ZRANB3: variants seen among roughly 807,000 people sequenced by gnomAD.
ZRANB3 encodes the protein zinc finger RANBP2-type containing 3.
ZRANB3 carries 125 observed loss-of-function variants against 133.8 expected under a neutral mutation model. That is an observed-to-expected ratio of 0.93 (90% CI 0.81 to 1.08). ZRANB3 has a LOEUF of 1.08. ZRANB3 is among the 50% of genes least tolerant of loss of function. The pLI, the probability that ZRANB3 is intolerant of heterozygous loss-of-function variation, is 0.00. For synonymous variants in ZRANB3, 387 were observed against 432.7 expected, an observed-to-expected ratio of 0.89 and a Z score of 1.31; for missense variants, 1,229 against 1,275.5, an observed-to-expected ratio of 0.96 and a Z score of 0.56.
intron 2 of ZRANB3, among the ~76,000 whole-genome samples, chr2:135,469,494 T>G (rs930944536): frequency 1.3e-5 from 2 of 152,186 alleles, no homozygotes; most frequent in African/African-American, 4.8e-5. Flanking sequence ...TTTAAATTCA[T>G]TTTTTAAATC....
intron 1 of ZRANB3, among the ~76,000 whole-genome samples, chr2:135,515,432 T>C (rs1693658312): frequency 6.6e-6 from 1 of 152,168 alleles, no homozygotes. Flanking sequence ...GTGCTACAAA[T>C]TTCCCTCTAC....
At chr2:135,403,782 T>A (rs1033621087) in intron 2 of ZRANB3, among the ~76,000 whole-genome samples, 1 of 152,108 alleles carries the variant, frequency 6.6e-6, no homozygotes, top group Non-Finnish European at 1.5e-5. Context: ...GGCAGCAACA[T>A]TTGCTGTTCA....
chr2:135,385,811 T>A (rs918577553), intron 3 of ZRANB3, among the ~76,000 whole-genome samples: 1 of 152,188 alleles, frequency 6.6e-6, no homozygotes, highest in African/African-American at 2.4e-5. Flanking sequence ...ACTGGATCCC[T>A]GCTTTACACC....
chr2:135,215,063 G>A (rs571450516), intron 17 of ZRANB3, among the ~76,000 whole-genome samples: 5 of 151,308 alleles, frequency 3.3e-5, no homozygotes, highest in South Asian at 2.1e-4. Context: ...GCCTGTGGGC[G>A]TGAGCCACCA....
Position 135,390,824 on chromosome 2 carries a change from GAAAAA to G in ZRANB3, c.162-9_162-5del. 46 of 1,298,530 alleles carry G rather than the reference GAAAAA, an allele frequency of 3.5e-5. No homozygotes were observed. The highest frequency in any genetic ancestry group is 2.3e-4 in the East Asian group (8 of 34,566). The allele number at this position is 1,298,530 out of a possible 1,614,324, so 80.4% of individuals were successfully genotyped here. On this transcript the variant is annotated splice_region_variant and splice_polypyrimidine_tract_variant and intron_variant, in intron 2 of 20. Transcript: ENST00000264159. ...TACTTCATCAGCCACCATACACCTG[GAAAAA>G]AAAAAAAAAAAAAATTAATTATCAG... is the stretch of plus-strand genomic sequence containing the variant.
intron 4 of ZRANB3, among the ~76,000 whole-genome samples, chr2:135,351,409 A>G (rs1195722877): frequency 6.6e-6 from 1 of 151,838 alleles, no homozygotes; most frequent in Non-Finnish European, 1.5e-5. Context: ...CTGGGACTAC[A>G]GGTGCCCATC....
chr2:135,264,528 T>C (rs925216345), intron 12 of ZRANB3, among the ~76,000 whole-genome samples: 3 of 150,398 alleles, frequency 2.0e-5, no homozygotes, highest in Non-Finnish European at 4.4e-5. Flanking sequence ...AGGTGATTCA[T>C]GCAAATATCA....
chr2:135,522,869 C>G (rs1021371559), intron 1 of ZRANB3, among the ~76,000 whole-genome samples: 1 of 152,150 alleles, frequency 6.6e-6, no homozygotes, highest in Non-Finnish European at 1.5e-5. Flanking sequence ...GAATTGGAAG[C>G]AATTTTTAAA....
At position 135,473,935 on chromosome 2, in the gene ZRANB3, A is replaced by G. The variant is rs543795081; in HGVS notation, c.161+30394T>C. 9.8e-5 allele frequency among the ~76,000 whole-genome samples: 15 copies of G among 152,312 alleles called. No individual in the cohort carries two copies. The East Asian group carries it at 2.9e-3, about 29-fold the overall frequency. ...CACAGAGGCTCATGCTTGTAATTCC[A>G]GCACTTTGGGAGGCTGAAGCAGGCA... On this transcript the variant is annotated intron_variant, in intron 2 of 20. Coordinates refer to ENST00000264159, the MANE Select transcript of ZRANB3 (RefSeq NM_032143.4).
At chr2:135,417,769 T>C (rs1224525428) in intron 2 of ZRANB3, among the ~76,000 whole-genome samples, 1 of 152,192 alleles carries the variant, frequency 6.6e-6, no homozygotes, top group Non-Finnish European at 1.5e-5. Flanking sequence ...CACCATGGAA[T>C]ACTATGCAGC....
At chr2:135,235,299 C>T (rs1185102772) in intron 12 of ZRANB3, among the ~76,000 whole-genome samples, 1 of 152,144 alleles carries the variant, frequency 6.6e-6, no homozygotes, top group African/African-American at 2.4e-5. Context: ...TAATTAATAG[C>T]TTACCAACCA....
intron 1 of ZRANB3, chr2:135,510,647 G>A (rs1693410878): frequency 2.8e-5 from 22 of 786,408 alleles, no homozygotes; most frequent in South Asian, 1.4e-5. Context: ...CCACATAGAG[G>A]GCCTCCAGGT....
intron 6 of ZRANB3, among the ~76,000 whole-genome samples, chr2:135,333,041 T>C (rs1160330251): frequency 6.6e-6 from 1 of 152,138 alleles, no homozygotes; most frequent in African/African-American, 2.4e-5. Flanking sequence ...CTGGAGAAAT[T>C]GTACCTTAGA....
chr2:135,480,100 A>ATTTTTTTTTT, intron 2 of ZRANB3, among the ~76,000 whole-genome samples: 1 of 141,522 alleles, frequency 7.1e-6, no homozygotes. Context: ...TGTCAGGCTA[A>ATTTTTTTTTT]TTTTTTTTTT....
chr2:135,283,359 C>T (rs1329595681), intron 8 of ZRANB3, among the ~76,000 whole-genome samples: 3 of 152,060 alleles, frequency 2.0e-5, no homozygotes, highest in East Asian at 1.9e-4. Flanking sequence ...GCCTGTAATC[C>T]CAGCACTTTG....
At chr2:135,289,755 T>C (rs917106217) in intron 8 of ZRANB3, among the ~76,000 whole-genome samples, 3 of 152,020 alleles carry the variant, frequency 2.0e-5, no homozygotes, top group African/African-American at 4.8e-5. Flanking sequence ...ATACAAAAAT[T>C]AGCTGGGAGT....
At chr2:135,389,661 T>G (rs1687135479) in intron 3 of ZRANB3, among the ~76,000 whole-genome samples, 1 of 151,994 alleles carries the variant, frequency 6.6e-6, no homozygotes, top group South Asian at 2.1e-4. Context: ...GCCGAGATCG[T>G]GCCATTGCAC....
At chr2:135,318,514 A>C (rs1258107769) in intron 6 of ZRANB3, among the ~76,000 whole-genome samples, 1 of 152,184 alleles carries the variant, frequency 6.6e-6, no homozygotes, top group Non-Finnish European at 1.5e-5. Context: ...GATAAATGCA[A>C]GTCTCAGAGT....
At chr2:135,487,631 G>A (rs530493408) in intron 2 of ZRANB3, among the ~76,000 whole-genome samples, 5 of 152,216 alleles carry the variant, frequency 3.3e-5, no homozygotes, top group East Asian at 1.9e-4. Context: ...ATGTTATGAC[G>A]ATGGCGTTTT....
Sources: gnomAD v4.1 joint callset for allele counts (sites outside exome capture counted in the v4.1 genomes callset) on GRCh38, gnomAD v4.1.1 for gene constraint, MANE v1.5 for transcripts, NCBI Gene and HGNC (gene_info 2026-07-23, HGNC 2026-07-21) for gene names.